ANGEL2: variants seen among roughly 807,000 people sequenced by gnomAD.
ANGEL2 encodes the protein RNA 2',3'-cyclic phosphatase ANGEL2.
In ANGEL2, 41 loss-of-function variants were observed where a neutral mutation model predicts 66.0. The ratio of observed to expected loss-of-function variants is 0.62; its 90% CI spans 0.48 to 0.81. The LOEUF is 0.81. Ranked by LOEUF, ANGEL2 falls within the 30% of genes least tolerant of loss-of-function variation. ANGEL2 has a pLI of 0.00. For synonymous variants in ANGEL2, 208 were observed against 226.5 expected (o/e 0.92, Z 0.73); for missense variants, 561 against 641.6 (o/e 0.87, Z 1.36).
chr1:213,004,139 A>AT (rs1170933176), intron 5 of ANGEL2, among the ~76,000 whole-genome samples: 1 of 151,788 alleles, frequency 6.6e-6, no homozygotes, highest in Non-Finnish European at 1.5e-5. Context: ...GAGACAGAGG[A>AT]TGCAGTGAGC....
chr1:213,012,857 T>C (rs1028903172), intron 2 of ANGEL2, among the ~76,000 whole-genome samples: 20 of 152,242 alleles, frequency 1.3e-4, no homozygotes, highest in African/African-American at 4.8e-4. Context: ...TTGCCAATCT[T>C]ATTCTATCTG....
In ANGEL2 at chr1:212,994,959, C is replaced by A; in HGVS notation, c.*82G>T. The A allele has an allele frequency of 7.8e-7, 1 of 1,289,666 alleles. No individual in the cohort carries two copies. The highest frequency in any genetic ancestry group is 1.5e-5 in the African/African-American group (1 of 65,864). 79.9% of individuals were successfully genotyped at this position (1,289,666 alleles called of 1,614,324 possible). A position where few individuals can be genotyped will look rare whatever the true frequency, so the allele number is the denominator to read the frequency against. ...AGAATCTCCACAGTGCAAAAATAAA[C>A]AACATGCATACACTTAAGAACTTTA... On this transcript the variant is annotated 3_prime_UTR_variant, in exon 9 of 9. Coordinates refer to ENST00000366962, the MANE Select transcript of ANGEL2 (RefSeq NM_144567.5).
Position 213,000,851 on chromosome 1 carries a change from G to C in ANGEL2, c.1196C>G (p.Pro399Arg). The C allele has an allele frequency of 6.2e-7, 1 of 1,612,658 alleles. No individual in the cohort carries two copies. The highest frequency in any genetic ancestry group is 8.5e-7 in the Non-Finnish European group (1 of 1,179,760). The change falls in exon 6 of 9, where the codon CCA becomes CGA. Residue 399 changes from proline (P) to arginine (R), a missense_variant. Pro to Arg is a moderately radical substitution (Grantham distance 103). Transcript: ENST00000366962. ...ACAGTTCTGTGAGATACCTAGGTTT[G>C]GGGGCCAAATTGGAATAGATAAAAT... ...QRILSIPIWP[P>R]NLGISQNCVY...
At position 212,995,185 on chromosome 1, in the gene ANGEL2, T is replaced by A. The variant is rs374623940; in HGVS notation, c.1491A>T (p.Glu497Asp). 2.5e-6 allele frequency: 4 copies of A among 1,600,764 alleles called. No homozygotes were observed. The African/African-American group carries it at 5.4e-5, about 22-fold the overall frequency. ...KEDVAGHPGA[E>D]VALVGGLKLL... The stretch of plus-strand genomic sequence containing the variant: ...GTTTCAAGCCACCAACCAAAGCAAC[T>A]TCAGCTCCTACATTAAAGAAGCACA... Residue 497 changes from glutamate to aspartate, a missense_variant, in exon 9 of 9, where the codon GAA (glutamate) becomes GAT (aspartate). Glu to Asp is a conservative substitution (Grantham distance 45, BLOSUM62 2). Coordinates refer to ENST00000366962, the MANE Select transcript of ANGEL2 (RefSeq NM_144567.5).
intron 8 of ANGEL2, 52 bp from the exon 9 acceptor site, chr1:212,995,244 T>G (rs2075964606): frequency 6.6e-7 from 1 of 1,511,028 alleles, no homozygotes; most frequent in Non-Finnish European, 8.9e-7. Context: ...CGGGTTATTG[T>G]AAATTAATCA....
chr1:213,005,097 C>A lies in ANGEL2; in HGVS notation c.1070G>T (p.Gly357Val). 6.2e-7 allele frequency: 1 copy of A among 1,611,982 alleles called. No individual in the cohort carries two copies. The highest frequency in any genetic ancestry group is 8.5e-7 in the Non-Finnish European group (1 of 1,179,268). Residue 357 changes from glycine to valine, a missense_variant, in exon 5 of 9, where the codon GGT (glycine) becomes GTT (valine). Gly to Val is a moderately radical substitution (Grantham distance 109). Coordinates refer to ENST00000366962, the MANE Select transcript of ANGEL2 (RefSeq NM_144567.5). ...CTTTATGAAACTATATAGTGGAGAA[C>A]CAGGAACAGAATTAAAGTCACCACA... Reference protein sequence around the residue: ...VMCGDFNSVPGSPLYSFIKEG... With the variant: ...VMCGDFNSVPVSPLYSFIKEG...
chr1:213,001,483 G>A (rs575829485), intron 5 of ANGEL2: 2 of 152,654 alleles, frequency 1.3e-5, no homozygotes, highest in Non-Finnish European at 2.9e-5. Context: ...CTTTTTACAG[G>A]TGGAGGATCT....
intron 1 of ANGEL2, 98 bp downstream of exon 1, chr1:213,015,515 G>GGCC: frequency 8.6e-5 from 107 of 1,244,182 alleles, no homozygotes; most frequent in East Asian, 1.6e-4. Context: ...TCCACCCCTA[G>GGCC]CCCGCCCCGC....
chr1:213,015,516 C>A, intron 1 of ANGEL2, 97 bp downstream of exon 1: 6 of 1,107,826 alleles, frequency 5.4e-6, no homozygotes, highest in South Asian at 3.3e-5. Context: ...CCACCCCTAG[C>A]CCGCCCCGCC....
intron 2 of ANGEL2, among the ~76,000 whole-genome samples, chr1:213,010,381 C>CT (rs2076471940): frequency 6.6e-6 from 1 of 151,588 alleles, no homozygotes; most frequent in African/African-American, 2.4e-5. Flanking sequence ...ACCATCCTGG[C>CT]TAACACCGTG....
intron 3 of ANGEL2, 75 bp downstream of exon 3, chr1:213,008,135 A>T: frequency 2.7e-6 from 4 of 1,505,348 alleles, no homozygotes; most frequent in Non-Finnish European, 3.6e-6. Context: ...AAGTGCTGGG[A>T]TTACAAGCAT....
chr1:213,008,505 A>G (rs1239641768), intron 2 of ANGEL2, 39 bp from the exon 3 acceptor site: 1 of 1,585,090 alleles, frequency 6.3e-7, no homozygotes, highest in African/African-American at 1.4e-5. Context: ...GAATTAATCA[A>G]AAGCAGACCA....
intron 2 of ANGEL2, among the ~76,000 whole-genome samples, 196 bp from the exon 3 acceptor site, chr1:213,008,662 C>A (rs561882316): frequency 6.6e-6 from 1 of 152,308 alleles, no homozygotes; most frequent in East Asian, 1.9e-4. Context: ...ACACAATATA[C>A]TGACCAACAG....
chr1:213,015,769 T>C lies in ANGEL2; in HGVS notation c.-98A>G, dbSNP rs2076630889. 6 of 1,535,526 alleles carry C rather than the reference T, an allele frequency of 3.9e-6. No homozygotes were observed. The highest frequency in any genetic ancestry group is 5.4e-6 in the Non-Finnish European group (6 of 1,116,226). On this transcript the variant is annotated 5_prime_UTR_variant, in exon 1 of 9. Transcript: ENST00000366962. ...TAAAGTATCTAGGGAACCCCATCACTCTTAAGTACCGACTCCAGTCCTGGC... is the reference window on the plus strand; with the variant it reads ...TAAAGTATCTAGGGAACCCCATCACCCTTAAGTACCGACTCCAGTCCTGGC...
Position 213,015,846 on chromosome 1 carries a change from T to C in ANGEL2, c.-175A>G. 1.3e-6 allele frequency: 1 copy of C among 743,918 alleles called. No homozygotes were observed. The highest frequency in any genetic ancestry group is 2.2e-6 in the Non-Finnish European group (1 of 459,502). 46.1% of individuals were successfully genotyped at this position (743,918 alleles called of 1,614,324 possible). A position where few individuals can be genotyped will look rare whatever the true frequency, so the allele number is the denominator to read the frequency against. On this transcript the variant is annotated 5_prime_UTR_variant, in exon 1 of 9. Transcript: ENST00000366962. ...TCGCCGGCCGGCCTACACTCCATCT[T>C]GCGCAGTCAGAGTCCCTGAATGCCT...
chr1:213,012,962 T>C, intron 2 of ANGEL2, 131 bp downstream of exon 2: 1 of 857,940 alleles, frequency 1.2e-6, no homozygotes, highest in Non-Finnish European at 1.8e-6. Context: ...TTTTCTAACA[T>C]AAAACTACTG....
rs924276558 is a variant in ANGEL2, at chr1:212,994,711, T to G, written c.*330A>C. ...GATCCACTACAGAGCTTGCCAAAAT[T>G]ATGAAATGAAATTTTTTACTAAGCA... On this transcript the variant is annotated 3_prime_UTR_variant, in exon 9 of 9. Transcript: ENST00000366962. 15 of 161,110 alleles carry G rather than the reference T, an allele frequency of 9.3e-5. No homozygotes were observed. Among genetic ancestry groups the G allele is most frequent in the Admixed American group, 1.9e-4 (3 of 15,594 alleles). 10.0% of individuals were successfully genotyped at this position (161,110 alleles called of 1,614,324 possible).
intron 1 of ANGEL2, among the ~76,000 whole-genome samples, chr1:213,014,400 AT>A (rs1406682714): frequency 7.9e-5 from 12 of 152,196 alleles, no homozygotes; most frequent in Non-Finnish European, 1.8e-4. Context: ...CAGCATTTAA[AT>A]TTTTATTATA....
intron 2 of ANGEL2, chr1:213,011,315 T>A: frequency 7.9e-7 from 1 of 1,269,712 alleles, no homozygotes; most frequent in Non-Finnish European, 1.0e-6. Context: ...TACAAAGTCA[T>A]AATTGTATCA....
Sources: gnomAD v4.1 joint callset for allele counts (sites outside exome capture counted in the v4.1 genomes callset) on GRCh38, gnomAD v4.1.1 for gene constraint, MANE v1.5 for transcripts, NCBI Gene and HGNC (gene_info 2026-07-23, HGNC 2026-07-21) for gene names.